Variants in ZNF407 observed in about 807,000 individuals in gnomAD.
The protein encoded by ZNF407 is zinc finger protein 407.
Under a neutral mutation model 131.2 loss-of-function variants are expected in ZNF407, and 17 were observed. The ratio of observed to expected loss-of-function variants is 0.13; its 90% CI spans 0.09 to 0.19. The LOEUF is 0.19. Among genes scored for constraint, ZNF407 ranks in the 10% least tolerant of loss-of-function variants. ZNF407 has a pLI of 1.00. For synonymous variants in ZNF407, 1,156 were observed against 1,062.0 expected, an observed-to-expected ratio of 1.09 and a Z score of -1.72; for missense variants, 2,681 against 2,830.6, an observed-to-expected ratio of 0.95 and a Z score of 1.20.
At chr18:74,962,385 C>T (rs1244346674) in intron 8 of ZNF407, among the ~76,000 whole-genome samples, 1 of 152,252 alleles carries the variant, frequency 6.6e-6, no homozygotes, top group Non-Finnish European at 1.5e-5. Context: ...TCATCTTAAA[C>T]ATCTGTCAGA....
intron 8 of ZNF407, among the ~76,000 whole-genome samples, chr18:75,008,875 C>T (rs1225844491): frequency 1.3e-5 from 2 of 152,144 alleles, no homozygotes; most frequent in South Asian, 2.1e-4. Context: ...TTCCCCAGTG[C>T]ATCTAGTGAA....
intron 3 of ZNF407, among the ~76,000 whole-genome samples, chr18:74,697,740 C>T (rs944979503): frequency 2.6e-5 from 4 of 151,956 alleles, no homozygotes; most frequent in Non-Finnish European, 5.9e-5. Context: ...TTATTCAAAA[C>T]TAATAAGCTA....
intron 3 of ZNF407, among the ~76,000 whole-genome samples, chr18:74,643,016 T>C (rs1399497873): frequency 6.6e-6 from 1 of 152,116 alleles, no homozygotes; most frequent in African/African-American, 2.4e-5. Flanking sequence ...CTGATCTTTG[T>C]AGTTGGAACA....
At chr18:74,609,229 T>C (rs1022110923) in intron 1 of ZNF407, among the ~76,000 whole-genome samples, 1 of 152,162 alleles carries the variant, frequency 6.6e-6, no homozygotes, top group South Asian at 2.1e-4. Flanking sequence ...CTCACATTTG[T>C]CTTCCAGTGA....
intron 8 of ZNF407, among the ~76,000 whole-genome samples, chr18:75,000,920 T>C (rs1463386952): frequency 6.6e-6 from 1 of 152,208 alleles, no homozygotes; most frequent in African/African-American, 2.4e-5. Flanking sequence ...TTAAGGTGCG[T>C]AGATAGCCTT....
chr18:74,987,194 G>A (rs935471879), intron 8 of ZNF407, among the ~76,000 whole-genome samples: 7 of 151,904 alleles, frequency 4.6e-5, no homozygotes, highest in Non-Finnish European at 7.4e-5. Flanking sequence ...GCTGCTTAGA[G>A]GCGTGTCGTT....
intron 8 of ZNF407, among the ~76,000 whole-genome samples, chr18:75,029,573 G>GTGTGCGTGTGTGTGTGTGCC (rs368198044): frequency 0.033 from 5,080 of 152,076 alleles, 143 homozygotes; most frequent in African/African-American, 0.068. Context: ...GGCGGAGTGT[G>GTGTGCGTGTGTGTGTGTGCC]TGTGCGTGCG....
intron 7 of ZNF407, among the ~76,000 whole-genome samples, chr18:74,891,083 T>C (rs942425630): frequency 6.6e-6 from 1 of 152,170 alleles, no homozygotes; most frequent in African/African-American, 2.4e-5. Flanking sequence ...AATCATCCTC[T>C]CAAGTACATG....
chr18:74,794,774 C>T (rs1969888869), intron 4 of ZNF407, among the ~76,000 whole-genome samples: 1 of 152,082 alleles, frequency 6.6e-6, no homozygotes, highest in Admixed American at 6.6e-5. Flanking sequence ...TTTGGTAAAG[C>T]TATGCTTTCT....
chr18:74,638,993 A>G (rs1331827755), intron 2 of ZNF407, among the ~76,000 whole-genome samples: 1 of 152,152 alleles, frequency 6.6e-6, no homozygotes, highest in Non-Finnish European at 1.5e-5. Context: ...AGATGTTAAC[A>G]CAGTCTACTC....
chr18:75,047,907 T>A (rs1241751120), intron 8 of ZNF407, among the ~76,000 whole-genome samples: 1 of 152,172 alleles, frequency 6.6e-6, no homozygotes. Flanking sequence ...AAATACCTGA[T>A]GACGTTTAAT....
chr18:74,990,275 T>G (rs950601783), intron 8 of ZNF407, among the ~76,000 whole-genome samples: 1 of 152,234 alleles, frequency 6.6e-6, no homozygotes, highest in Non-Finnish European at 1.5e-5. Flanking sequence ...AATGGAGTAC[T>G]TAGTAACTTA....
At chr18:74,805,909 G>A (rs114968126) in intron 4 of ZNF407, among the ~76,000 whole-genome samples, 61 of 152,216 alleles carry the variant, frequency 4.0e-4, no homozygotes, top group African/African-American at 1.3e-3. Context: ...TTCTCGACTC[G>A]TCCTCTTTCA....
chr18:74,694,828 C>T (rs1967313340), intron 3 of ZNF407, among the ~76,000 whole-genome samples: 1 of 152,132 alleles, frequency 6.6e-6, no homozygotes, highest in South Asian at 2.1e-4. Flanking sequence ...TACCTGTATA[C>T]TTTGTAATTT....
At chr18:74,706,071 T>C (rs1967617376) in intron 3 of ZNF407, among the ~76,000 whole-genome samples, 1 of 152,188 alleles carries the variant, frequency 6.6e-6, no homozygotes, top group South Asian at 2.1e-4. Flanking sequence ...TTCATATACA[T>C]ATCAGTGCAC....
chr18:74,970,668 T>C (rs1972461964), intron 8 of ZNF407, among the ~76,000 whole-genome samples: 1 of 152,148 alleles, frequency 6.6e-6, no homozygotes, highest in Non-Finnish European at 1.5e-5. Context: ...CTTTGCAGGG[T>C]ATAGCCCCCC....
intron 8 of ZNF407, among the ~76,000 whole-genome samples, chr18:74,948,862 A>G (rs1972183083): frequency 6.6e-6 from 1 of 152,248 alleles, no homozygotes; most frequent in African/African-American, 2.4e-5. Context: ...ATGTATTCCA[A>G]AAATAAAAGT....
At chr18:75,020,299 T>C (rs1973093052) in intron 8 of ZNF407, among the ~76,000 whole-genome samples, 1 of 122,112 alleles carries the variant, frequency 8.2e-6, no homozygotes, top group Non-Finnish European at 1.7e-5. Context: ...TGTATGTGTA[T>C]ATGTGTGTGT....
chr18:74,768,235 A>T (rs1049073689), intron 3 of ZNF407, among the ~76,000 whole-genome samples: 1 of 152,114 alleles, frequency 6.6e-6, no homozygotes, highest in Non-Finnish European at 1.5e-5. Flanking sequence ...ACCCAAGAAC[A>T]TTTCTCCCTG....
Sources: gnomAD v4.1 joint callset for allele counts (sites outside exome capture counted in the v4.1 genomes callset) on GRCh38, gnomAD v4.1.1 for gene constraint, MANE v1.5 for transcripts, NCBI Gene and HGNC (gene_info 2026-07-23, HGNC 2026-07-21) for gene names.